The following ZMYM2 variants were observed in gnomAD, a reference collection of about 807,000 sequenced individuals.
ZMYM2 encodes zinc finger MYM-type protein 2.
A neutral mutation model predicts 162.8 loss-of-function variants in ZMYM2; 56 were observed. The ratio of observed to expected loss-of-function variants is 0.34; its 90% CI spans 0.28 to 0.43. ZMYM2 has a LOEUF of 0.43. Ranked by LOEUF, ZMYM2 falls within the 20% of genes least tolerant of loss-of-function variation. The pLI, the probability that ZMYM2 is intolerant of heterozygous loss-of-function variation, is 1.00. For missense variants in ZMYM2, 1,275 were observed against 1,621.8 expected (o/e 0.79, Z 3.67); for synonymous variants, 510 against 541.6 (o/e 0.94, Z 0.81).
the ZMYM2 span, among the ~76,000 whole-genome samples, chr13:19,929,428 T>C: frequency 6.6e-6 from 1 of 151,948 alleles, no homozygotes; most frequent in Non-Finnish European, 1.5e-5. Context: ...TTAGTAGAGA[T>C]GGGGTTTCAC....
the ZMYM2 span, among the ~76,000 whole-genome samples, chr13:19,892,050 C>T: frequency 1.3e-5 from 2 of 151,140 alleles, no homozygotes; most frequent in African/African-American, 4.9e-5. Context: ...CAAGCATCCT[C>T]CCACCTTAGC....
At chr13:20,018,706 T>C (rs1322642917) in intron 6 of ZMYM2, among the ~76,000 whole-genome samples, 3 of 152,224 alleles carry the variant, frequency 2.0e-5, no homozygotes, top group Non-Finnish European at 4.4e-5. Flanking sequence ...AGGAAGCATA[T>C]CTTTTAAAAC....
intron 21 of ZMYM2, among the ~76,000 whole-genome samples, chr13:20,076,050 C>T (rs1348079170): frequency 7.0e-6 from 1 of 143,158 alleles, no homozygotes; most frequent in Non-Finnish European, 1.5e-5. Context: ...GTGTATATTT[C>T]TGTTTTTCAT....
intron 10 of ZMYM2, 42 bp downstream of exon 10, chr13:20,031,477 G>C: frequency 2.4e-6 from 3 of 1,272,582 alleles, no homozygotes; most frequent in Non-Finnish European, 3.2e-6. Flanking sequence ...ATGCTAAAAA[G>C]AAAGTCTAGT....
Position 20,046,581 on chromosome 13 carries a change from A to ATATGTGTGTGTG in ZMYM2, c.2293-4851_2293-4850insATGTGTGTGTGT, listed in dbSNP as rs1270115549. Among the ~76,000 whole-genome samples the ATATGTGTGTGTG allele has an allele frequency of 1.7e-4, 20 of 117,510 alleles. No homozygotes were observed. In the South Asian group the frequency reaches 1.7e-3, roughly 10 times the overall value. The allele number at this position is 117,510 out of a possible 152,430, so 77.1% of individuals were successfully genotyped here. ...AAAAAAAAAATATATATATATATAT[A>ATATGTGTGTGTG]TGTGTGTGTGTGTGTGTGTGTGTGT... On this transcript the variant is annotated intron_variant, in intron 12 of 24. Transcript: ENST00000610343.
At chr13:20,041,859 A>T (rs768861117) in intron 12 of ZMYM2, among the ~76,000 whole-genome samples, 7 of 122,082 alleles carry the variant, frequency 5.7e-5, no homozygotes, top group Non-Finnish European at 8.3e-5. Context: ...GTGTTAAATT[A>T]AAAAAAAAGG....
At chr13:19,920,281 AC>A in the ZMYM2 span, among the ~76,000 whole-genome samples, 5 of 152,138 alleles carry the variant, frequency 3.3e-5, no homozygotes, top group African/African-American at 4.8e-5. Context: ...GTCAAAAAAA[AC>A]ATTTTTTTTT....
intron 19 of ZMYM2, 79 bp downstream of exon 19, chr13:20,064,624 G>A: frequency 9.4e-7 from 1 of 1,061,092 alleles, no homozygotes; most frequent in Non-Finnish European, 1.2e-6. Context: ...GTGTGCCTGA[G>A]AATATGGGAA....
chr13:19,896,436 A>C, the ZMYM2 span, among the ~76,000 whole-genome samples: 2 of 150,098 alleles, frequency 1.3e-5, no homozygotes, highest in Non-Finnish European at 3.0e-5. Flanking sequence ...GAGCCACTGC[A>C]CCCAGCCTCT....
rs1956761386 is a variant in ZMYM2, at chr13:20,067,402, G to C, written c.3453+12G>C. ...TTGGAATACAGGAGGTTAGTAATTT[G>C]ATGGCTGCTTTCAAGTATAACATTA... On this transcript the variant is annotated intron_variant, in intron 21 of 24. Coordinates refer to ENST00000610343, the MANE Select transcript of ZMYM2 (RefSeq NM_197968.4). 1 of 1,589,392 alleles carries C rather than the reference G, an allele frequency of 6.3e-7. No homozygotes were observed.
At chr13:19,884,833 A>G in the ZMYM2 span, among the ~76,000 whole-genome samples, 2 of 152,106 alleles carry the variant, frequency 1.3e-5, no homozygotes, top group African/African-American at 4.8e-5. Flanking sequence ...TTCCAGCAGT[A>G]AAAGAAAACC....
chr13:20,082,830 A>G lies in ZMYM2; in HGVS notation c.3618A>G (p.Gln1206=). The change falls in exon 23 of 25, where the codon CAA becomes CAG. Residue 1206 remains glutamine, a synonymous_variant. Coordinates refer to ENST00000610343, the MANE Select transcript of ZMYM2 (RefSeq NM_197968.4). Reference sequence around the variant, plus strand: ...AAGACTATCTCTGGAGGATAAAACAACTAGGATCACACTCTCCAGTAGCTC... The same window carrying G: ...AAGACTATCTCTGGAGGATAAAACAGCTAGGATCACACTCTCCAGTAGCTC... The part of the protein sequence containing the change: ...VEEDYLWRIK[Q]LGSHSPVALL... 1.2e-6 allele frequency: 2 copies of G among 1,613,354 alleles called. No individual in the cohort carries two copies. The highest frequency in any genetic ancestry group is 2.2e-5 in the East Asian group (1 of 44,834).
At chr13:19,982,890 A>G (rs1957474582) in intron 2 of ZMYM2, among the ~76,000 whole-genome samples, 1 of 151,984 alleles carries the variant, frequency 6.6e-6, no homozygotes. Context: ...GTGCACTTGA[A>G]TTCTCTCCTA....
In ZMYM2 at chr13:20,086,869, A is replaced by C. The variant is rs528349888; in HGVS notation, c.*855A>C. On this transcript the variant is annotated 3_prime_UTR_variant, in exon 25 of 25. Coordinates refer to ENST00000610343, the MANE Select transcript of ZMYM2 (RefSeq NM_197968.4). Reference sequence around the variant, plus strand: ...TAAAAATGTCTGGTGAAAGTATAAAATTCTGTTTTCTTCTATGCCAGCCAT... The same window carrying C: ...TAAAAATGTCTGGTGAAAGTATAAACTTCTGTTTTCTTCTATGCCAGCCAT... 5.9e-6 allele frequency: 1 copy of C among 170,834 alleles called. No individual in the cohort carries two copies. The highest frequency in any genetic ancestry group is 2.4e-5 in the African/African-American group (1 of 41,896). 10.6% of individuals were successfully genotyped at this position (170,834 alleles called of 1,614,324 possible). A position where few individuals can be genotyped will look rare whatever the true frequency, so the allele number is the denominator to read the frequency against.
the ZMYM2 span, among the ~76,000 whole-genome samples, chr13:19,938,011 A>G: frequency 1.3e-5 from 2 of 152,022 alleles, no homozygotes; most frequent in African/African-American, 4.8e-5. Flanking sequence ...ATAGTATTCC[A>G]TGGTGTATAT....
At chr13:19,973,611 C>T (rs1956515863) in intron 2 of ZMYM2, among the ~76,000 whole-genome samples, 1 of 139,832 alleles carries the variant, frequency 7.2e-6, no homozygotes, top group South Asian at 2.3e-4. Context: ...GCAGAGGTTG[C>T]AGTGATCCAA....
At position 20,083,713 on chromosome 13, in the gene ZMYM2, T is replaced by C. The variant is rs548605468; in HGVS notation, c.3878T>C (p.Ile1293Thr). The change falls in exon 24 of 25, where the codon ATT (isoleucine) becomes ACT (threonine). Residue 1293 changes from isoleucine to threonine, a missense_variant. Ile to Thr is a moderately conservative substitution (Grantham distance 89, BLOSUM62 -1). This residue lies in a region of ZMYM2 where 103 missense variants were observed against 192.2 expected (regional missense o/e 0.54). Coordinates refer to ENST00000610343, the MANE Select transcript of ZMYM2 (RefSeq NM_197968.4). Reference sequence around the variant, plus strand: ...GATGATGAGCCAGTATTTGAACAAATTGAAAACACAGCCAATCCTTCCAGA... The same window carrying C: ...GATGATGAGCCAGTATTTGAACAAACTGAAAACACAGCCAATCCTTCCAGA... ...HEDDEPVFEQ[I>T]ENTANPSRCP... 5.0e-6 allele frequency: 8 copies of C among 1,594,144 alleles called. No homozygotes were observed. The East Asian group carries it at 1.6e-4, about 31-fold the overall frequency.
At chr13:19,892,737 C>G in the ZMYM2 span, among the ~76,000 whole-genome samples, 1 of 142,074 alleles carries the variant, frequency 7.0e-6, no homozygotes, top group South Asian at 2.2e-4. Flanking sequence ...TTTTTTTTGT[C>G]AGAATTTCGC....
At chr13:19,976,377 GT>G (rs1380807019) in intron 2 of ZMYM2, among the ~76,000 whole-genome samples, 2 of 150,788 alleles carry the variant, frequency 1.3e-5, no homozygotes, top group Non-Finnish European at 3.0e-5. Flanking sequence ...ATCCTAGTGC[GT>G]GTGAAATGGT....
Sources: allele counts gnomAD v4.1 joint callset (sites outside exome capture counted in the v4.1 genomes callset), GRCh38; gene constraint gnomAD v4.1.1; regional missense constraint gnomAD v4.1.1; transcripts MANE v1.5; gene names NCBI Gene and HGNC (gene_info 2026-07-23, HGNC 2026-07-21).